Variants in STK24 observed in about 807,000 individuals in gnomAD.
STK24 encodes the protein serine/threonine-protein kinase 24.
STK24 carries 21 observed loss-of-function variants against 55.6 expected under a neutral mutation model. The observed-to-expected ratio is 0.38, with a 90% confidence interval of 0.27 to 0.54. STK24 has a LOEUF of 0.54. Ranked by LOEUF, STK24 falls within the 20% of genes least tolerant of loss-of-function variation. The pLI is 0.79. For missense variants in STK24, 383 were observed against 538.4 expected (o/e 0.71, Z 2.86); for synonymous variants, 200 against 215.2 (o/e 0.93, Z 0.62).
chr13:98,453,868 A>G (rs922347833), intron 10 of STK24: 12 of 152,266 alleles, frequency 7.9e-5, no homozygotes, highest in African/African-American at 2.7e-4. Context: ...AAGTACATAC[A>G]AAATTACAGA....
chr13:98,479,556 C>G (rs923883334), intron 3 of STK24, among the ~76,000 whole-genome samples: 1 of 152,194 alleles, frequency 6.6e-6, no homozygotes, highest in Non-Finnish European at 1.5e-5. Flanking sequence ...AGTCCTAAAG[C>G]CTCTCTGCTT....
chr13:98,455,170 TA>T (rs1417346388), intron 10 of STK24: 1 of 152,238 alleles, frequency 6.6e-6, no homozygotes. Context: ...TCTGGCAGGT[TA>T]AAAAATGTAT....
chr13:98,482,327 A>AAAT lies in STK24; in HGVS notation c.274-7_274-6insATT. The AAAT allele has an allele frequency of 6.6e-7, 1 of 1,524,680 alleles. No individual in the cohort carries two copies. 94.4% of individuals were successfully genotyped at this position (1,524,680 alleles called of 1,614,324 possible). ...ATTATCCATAATTTTGTATCCTATA[A>AAAT]AACAAAAAAAAGAAGAGAATCATTT... On this transcript the variant is annotated splice_polypyrimidine_tract_variant and splice_region_variant and intron_variant, in intron 2 of 10. Transcript: ENST00000539966.
intron 3 of STK24, among the ~76,000 whole-genome samples, chr13:98,481,590 T>C (rs1894580961): frequency 6.6e-6 from 1 of 152,206 alleles, no homozygotes; most frequent in African/African-American, 2.4e-5. Context: ...TCATGTGAAA[T>C]ATGAAACGAT....
chr13:98,477,111 T>G (rs1894406800), intron 3 of STK24, among the ~76,000 whole-genome samples: 1 of 152,230 alleles, frequency 6.6e-6, no homozygotes, highest in African/African-American at 2.4e-5. Context: ...TTTTTCCCAG[T>G]TACCTGAACA....
intron 1 of STK24, among the ~76,000 whole-genome samples, chr13:98,529,271 A>G (rs1446647401): frequency 6.6e-6 from 1 of 151,950 alleles, no homozygotes; most frequent in African/African-American, 2.4e-5. Context: ...TCACCCCAAC[A>G]TGCAAACCGC....
chr13:98,555,240 C>T (rs1362810375), intron 1 of STK24, among the ~76,000 whole-genome samples: 1 of 152,114 alleles, frequency 6.6e-6, no homozygotes, highest in Non-Finnish European at 1.5e-5. Context: ...ACAATATGCC[C>T]TGCCTTCCAG....
At chr13:98,516,787 G>A (rs1239929948) in intron 2 of STK24, among the ~76,000 whole-genome samples, 1 of 152,226 alleles carries the variant, frequency 6.6e-6, no homozygotes, top group Non-Finnish European at 1.5e-5. Context: ...CAGTGAGGAA[G>A]AGATACATTT....
chr13:98,561,809 T>G (rs1897427103), intron 1 of STK24, among the ~76,000 whole-genome samples: 1 of 151,652 alleles, frequency 6.6e-6, no homozygotes, highest in African/African-American at 2.4e-5. Context: ...AAACCCCATC[T>G]CTACTAAAAA....
rs887214343 is a variant in STK24, at chr13:98,451,675, CTT to C, written c.*1496_*1497del. 3.3e-5 allele frequency: 5 copies of C among 152,280 alleles called. No homozygotes were observed. Among genetic ancestry groups the C allele is most frequent in the African/African-American group, 9.7e-5 (4 of 41,444 alleles). 9.4% of individuals were successfully genotyped at this position (152,280 alleles called of 1,614,324 possible). A position where few individuals can be genotyped will look rare whatever the true frequency, so the allele number is the denominator to read the frequency against. ...ACTTCCTTGCTTCCAAAAATCCTGT[CTT>C]AACTCCACAAGAACTGGCACACCCA... On this transcript the variant is annotated 3_prime_UTR_variant, in exon 11 of 11. Transcript: ENST00000539966.
intron 3 of STK24, among the ~76,000 whole-genome samples, chr13:98,478,721 A>G (rs185949297): frequency 6.6e-6 from 1 of 152,302 alleles, no homozygotes; most frequent in East Asian, 1.9e-4. Context: ...TCCGTCAAAC[A>G]TCTCTGCCTG....
Position 98,445,917 on chromosome 13 carries a change from G to T in STK24, c.*7256C>A. On this transcript the variant is annotated 3_prime_UTR_variant, in exon 11 of 11. Transcript: ENST00000539966. ...CCCACAGCAAGTGACAAGGGGAAGT[G>T]ATGAGATCAGGGTCCCAGGACCTGC... The T allele has an allele frequency of 1.8e-6, 1 of 556,348 alleles. No homozygotes were observed. 34.5% of individuals were successfully genotyped at this position (556,348 alleles called of 1,614,324 possible).
chr13:98,479,193 T>C (rs770581249), intron 3 of STK24, among the ~76,000 whole-genome samples: 1 of 152,204 alleles, frequency 6.6e-6, no homozygotes, highest in Non-Finnish European at 1.5e-5. Context: ...GGCTGGAACT[T>C]GAGAGATGAC....
chr13:98,538,377 A>G (rs1356592070), intron 1 of STK24, among the ~76,000 whole-genome samples: 3 of 151,904 alleles, frequency 2.0e-5, no homozygotes, highest in African/African-American at 7.3e-5. Flanking sequence ...GGTGCCCACC[A>G]CCACACACAG....
At chr13:98,575,952 A>G in intron 1 of STK24, 1 of 813,910 alleles carries the variant, frequency 1.2e-6, no homozygotes, top group Non-Finnish European at 1.5e-6. Context: ...CTCCTCTCCC[A>G]CTCCCCAAAA....
At position 98,446,823 on chromosome 13, in the gene STK24, C is replaced by T. The variant is rs1555298380; in HGVS notation, c.*6350G>A. On this transcript the variant is annotated 3_prime_UTR_variant, in exon 11 of 11. Transcript: ENST00000539966. Reference sequence around the variant, plus strand: ...AGCGAGTACACGTTCGAAAGGTAGACACCCCCTTCCCACGCACAGGGCCCT... The same window carrying T: ...AGCGAGTACACGTTCGAAAGGTAGATACCCCCTTCCCACGCACAGGGCCCT... The T allele has an allele frequency of 3.1e-6, 5 of 1,613,968 alleles. No individual in the cohort carries two copies. The South Asian group carries it at 4.4e-5, about 14-fold the overall frequency.
chr13:98,453,707 G>A (rs530909229), intron 10 of STK24: 1 of 153,134 alleles, frequency 6.5e-6, no homozygotes, highest in East Asian at 1.9e-4. Flanking sequence ...CGGGATTTTC[G>A]TAATTACACT....
At position 98,448,229 on chromosome 13, in the gene STK24, G is replaced by GT; in HGVS notation, c.*4943dup. On this transcript the variant is annotated 3_prime_UTR_variant, in exon 11 of 11. Transcript: ENST00000539966. ...AAGGTTGACTAACTGGCGTTCCCGTGTTGCAGGTGGATGGAAGTGATCCGC... is the reference window on the plus strand; with the variant it reads ...AAGGTTGACTAACTGGCGTTCCCGTGTTTGCAGGTGGATGGAAGTGATCCGC... The GT allele has an allele frequency of 1.9e-6, 3 of 1,613,228 alleles. No individual in the cohort carries two copies. Among genetic ancestry groups the GT allele is most frequent in the Non-Finnish European group, 2.5e-6 (3 of 1,179,228 alleles).
intron 1 of STK24, among the ~76,000 whole-genome samples, chr13:98,520,222 T>C (rs1315955639): frequency 5.3e-5 from 8 of 152,338 alleles, no homozygotes; most frequent in Middle Eastern, 3.4e-3. Context: ...TAACCTGTCA[T>C]CCACAGGGCC....
Sources: gnomAD v4.1 joint callset for allele counts (sites outside exome capture counted in the v4.1 genomes callset) on GRCh38, gnomAD v4.1.1 for gene constraint, MANE v1.5 for transcripts, NCBI Gene and HGNC (gene_info 2026-07-23, HGNC 2026-07-21) for gene names.